The following BDP1 variants were observed in gnomAD, a reference collection of about 807,000 sequenced individuals.
BDP1 encodes BDP1 general transcription factor IIIB subunit, also known as transcription factor TFIIIB component B'' homolog.
A neutral mutation model predicts 266.6 loss-of-function variants in BDP1; 169 were observed. The ratio of observed to expected loss-of-function variants is 0.63; its 90% CI spans 0.56 to 0.72. The LOEUF is 0.72. BDP1 is among the 30% of genes least tolerant of loss of function. The pLI is 0.00. For synonymous variants in BDP1, 1,090 were observed against 1,022.4 expected (o/e 1.07, Z -1.26); for missense variants, 3,015 against 3,053.8 (o/e 0.99, Z 0.30).
intron 35 of BDP1, among the ~76,000 whole-genome samples, chr5:71,554,464 A>G (rs1364958166): frequency 2.4e-4 from 37 of 152,146 alleles, no homozygotes; most frequent in Non-Finnish European, 5.0e-4. Flanking sequence ...TTTTATATGA[A>G]CATTTCCAGA....
Position 71,544,752 on chromosome 5 carries a change from C to T in BDP1, c.6563+245C>T, listed in dbSNP as rs1033738892. Among the ~76,000 whole-genome samples the T allele has an allele frequency of 2.4e-4, 37 of 151,526 alleles. No individual in the cohort carries two copies. The highest frequency in any genetic ancestry group is 1.6e-4 in the Non-Finnish European group (11 of 67,842). ...AAAATTAGCCGGGCGTGGTGGCGGGCGTCTGTAGTTGTAGCTACTTGGGAG... is the reference window on the plus strand; with the variant it reads ...AAAATTAGCCGGGCGTGGTGGCGGGTGTCTGTAGTTGTAGCTACTTGGGAG... On this transcript the variant is annotated intron_variant, in intron 31 of 38. Transcript: ENST00000358731.
chr5:71,496,616 C>T (rs1347083615), intron 12 of BDP1, among the ~76,000 whole-genome samples: 1 of 151,928 alleles, frequency 6.6e-6, no homozygotes, highest in South Asian at 2.1e-4. Context: ...GAGTCTTGCT[C>T]TTGTCACCCA....
chr5:71,512,385 C>T lies in BDP1; in HGVS notation c.4204C>T (p.Gln1402Ter). 2 of 1,586,282 alleles carry T rather than the reference C, an allele frequency of 1.3e-6. No individual in the cohort carries two copies. Among genetic ancestry groups the T allele is most frequent in the Non-Finnish European group, 1.7e-6 (2 of 1,172,304 alleles). ...TGATAAAACAGAAGTCCAGGGGATT[C>T]AATCTCCAGATGTTCCAGAGCAGTT... Reference protein sequence around the residue: ...ESDKTEVQGIQSPDVPEQFSD... With the variant: ...ESDKTEVQGI Residue 1402 changes from glutamine (Q) to a stop codon, truncating the protein, a stop_gained, in exon 18 of 39, where the codon CAA becomes TAA. Coordinates refer to ENST00000358731, the MANE Select transcript of BDP1 (RefSeq NM_018429.3). LOFTEE classifies it high-confidence loss of function.
At chr5:71,481,436 T>A (rs1428130020) in intron 7 of BDP1, among the ~76,000 whole-genome samples, 1 of 140,486 alleles carries the variant, frequency 7.1e-6, no homozygotes, top group Admixed American at 7.2e-5. Flanking sequence ...GTGGCACACG[T>A]CCCCTAGCAA....
chr5:71,475,218 C>T (rs1762510968), intron 7 of BDP1, among the ~76,000 whole-genome samples: 2 of 152,176 alleles, frequency 1.3e-5, no homozygotes, highest in South Asian at 4.1e-4. Flanking sequence ...AATGATCCTC[C>T]CACCTCGGCT....
downstream of BDP1, among the ~76,000 whole-genome samples, chr5:71,571,606 G>A (rs1456954125): frequency 6.7e-6 from 1 of 148,770 alleles, no homozygotes; most frequent in Non-Finnish European, 1.5e-5. Context: ...CGGATTGCTG[G>A]GCCCCAATCC....
intron 7 of BDP1, among the ~76,000 whole-genome samples, chr5:71,478,858 G>A (rs1456710232): frequency 6.6e-6 from 1 of 152,064 alleles, no homozygotes; most frequent in Non-Finnish European, 1.5e-5. Flanking sequence ...GGTTACCAAA[G>A]CTCTGACCAC....
intron 1 of BDP1, among the ~76,000 whole-genome samples, chr5:71,456,663 G>C (rs773719531): frequency 6.6e-6 from 1 of 152,078 alleles, no homozygotes; most frequent in Non-Finnish European, 1.5e-5. Context: ...ACTTTTCTCA[G>C]GCAGAATTTG....
chr5:71,455,668 A>G lies in BDP1; in HGVS notation c.-210A>G, dbSNP rs771687529. 5 of 586,824 alleles carry G rather than the reference A, an allele frequency of 8.5e-6. No individual in the cohort carries two copies. The highest frequency in any genetic ancestry group is 2.9e-5 in the East Asian group (1 of 35,010). The allele number at this position is 586,824 out of a possible 1,614,324, so 36.4% of individuals were successfully genotyped here. On this transcript the variant is annotated 5_prime_UTR_variant, in exon 1 of 39. Transcript: ENST00000358731. Reference sequence around the variant, plus strand: ...GCTGGGAGGAGGGTGAAATTTAGCCATCGGTGTGTGGCAGGGTCATGAAAA... The same window carrying G: ...GCTGGGAGGAGGGTGAAATTTAGCCGTCGGTGTGTGGCAGGGTCATGAAAA...
chr5:71,501,156 G>A (rs983673117), intron 13 of BDP1, among the ~76,000 whole-genome samples: 5 of 151,794 alleles, frequency 3.3e-5, no homozygotes, highest in Non-Finnish European at 5.9e-5. Context: ...CCTCTAGTTA[G>A]AAGTACAAAA....
chr5:71,500,974 G>A (rs1764196104), intron 13 of BDP1, among the ~76,000 whole-genome samples: 1 of 151,860 alleles, frequency 6.6e-6, no homozygotes, highest in Non-Finnish European at 1.5e-5. Flanking sequence ...GTGTGCACCT[G>A]TAGTCCCAGC....
At chr5:71,531,110 C>T (rs1315390461) in intron 25 of BDP1, among the ~76,000 whole-genome samples, 1 of 151,990 alleles carries the variant, frequency 6.6e-6, no homozygotes, top group African/African-American at 2.4e-5. Context: ...GGCAGATTCT[C>T]AGACTTGACT....
At chr5:71,531,220 G>T (rs1011863967) in intron 25 of BDP1, among the ~76,000 whole-genome samples, 1 of 152,014 alleles carries the variant, frequency 6.6e-6, no homozygotes, top group Non-Finnish European at 1.5e-5. Flanking sequence ...TCGCACCACC[G>T]CAGCTGGGGT....
Position 71,524,009 on chromosome 5 carries a change from A to T in BDP1, c.5458A>T (p.Thr1820Ser), listed in dbSNP as rs1429006751. The change falls in exon 25 of 39, where the codon ACA (threonine) becomes TCA (serine). Residue 1820 changes from threonine to serine, a missense_variant. Around this residue, in one of 3 missense-constraint regions of BDP1, gnomAD observed 2,383 missense variants for 2,404.9 expected, o/e 0.99. Transcript: ENST00000358731. ...GGATGGGAAAACAACTATCTCTTCT[A>T]CATCTGAGTATGAGAGAAATCGTGG... is the stretch of plus-strand genomic sequence containing the variant. ...ALDGKTTISS[T>S]SEYERNRGER... 4 of 1,614,082 alleles carry T rather than the reference A, an allele frequency of 2.5e-6. No individual in the cohort carries two copies. Among genetic ancestry groups the T allele is most frequent in the Non-Finnish European group, 3.4e-6 (4 of 1,180,038 alleles).
chr5:71,551,862 G>A (rs1218550398), intron 34 of BDP1, among the ~76,000 whole-genome samples: 3 of 150,012 alleles, frequency 2.0e-5, no homozygotes, highest in East Asian at 2.0e-4. Context: ...AGACAGAGGC[G>A]CCCCTCACCT....
At chr5:71,528,623 G>A (rs1266297683) in intron 25 of BDP1, among the ~76,000 whole-genome samples, 1 of 152,230 alleles carries the variant, frequency 6.6e-6, no homozygotes, top group Admixed American at 6.5e-5. Context: ...ATCTGAATCT[G>A]TAAAGTCACA....
At chr5:71,537,960 A>C (rs1766738158) in intron 26 of BDP1, 1 of 152,324 alleles carries the variant, frequency 6.6e-6, no homozygotes, top group South Asian at 2.1e-4. Context: ...ATCATTAAGT[A>C]TGATGTTACC....
chr5:71,560,053 C>T lies in BDP1; in HGVS notation c.7312C>T (p.Gln2438Ter). ...ACTGACAACTCCAGAACCTCAAAGA[C>T]AGCAAGTTGAAGCAGCTTTTCAGAG... is the stretch of plus-strand genomic sequence containing the variant. ...STLTTPEPQR[Q>*]QVEAAFQSRG... The change falls in exon 37 of 39, where the codon CAG (glutamine) becomes TAG (stop). Residue 2438 changes from glutamine to a stop codon, truncating the protein, a stop_gained. Coordinates refer to ENST00000358731, the MANE Select transcript of BDP1 (RefSeq NM_018429.3). LOFTEE classifies it high-confidence loss of function. 1.9e-6 allele frequency: 3 copies of T among 1,613,960 alleles called. No individual in the cohort carries two copies. The highest frequency in any genetic ancestry group is 2.5e-6 in the Non-Finnish European group (3 of 1,180,002).
downstream of BDP1, among the ~76,000 whole-genome samples, chr5:71,568,693 C>CT (rs1157594487): frequency 2.0e-5 from 3 of 152,240 alleles, no homozygotes; most frequent in Non-Finnish European, 4.4e-5. Context: ...GGCTCCTGAA[C>CT]TTTAACAGTA....
Sources: gnomAD v4.1 joint callset for allele counts (sites outside exome capture counted in the v4.1 genomes callset) on GRCh38, gnomAD v4.1.1 for gene constraint, gnomAD v4.1.1 regional missense constraint, MANE v1.5 for transcripts, NCBI Gene and HGNC (gene_info 2026-07-23, HGNC 2026-07-21) for gene names.